Variants in PHKA1 observed in about 807,000 individuals in gnomAD.
The protein encoded by PHKA1 is phosphorylase kinase regulatory subunit alpha 1.
A neutral mutation model predicts 110.2 loss-of-function variants in PHKA1; 60 were observed. The ratio of observed to expected loss-of-function variants is 0.54; its 90% CI spans 0.44 to 0.68. The LOEUF (loss-of-function observed/expected upper bound fraction) is 0.68, where lower values mean the gene tolerates loss of function less well. Among genes scored for constraint, PHKA1 ranks in the 30% least tolerant of loss-of-function variants. The pLI is 0.00. For synonymous variants in PHKA1, 316 were observed against 333.6 expected (o/e 0.95, Z 0.58); for missense variants, 801 against 942.5 (o/e 0.85, Z 1.97).
At chrX:72,670,255 A>T (rs2147785527) in intron 6 of PHKA1, among the ~76,000 whole-genome samples, 1 of 111,063 alleles carries the variant, frequency 9.0e-6, no homozygotes, top group East Asian at 2.8e-4. Flanking sequence ...CTTTGAGTTC[A>T]TTGTAGATTC....
intron 14 of PHKA1, among the ~76,000 whole-genome samples, chrX:72,642,307 C>T (rs1056352876): frequency 5.4e-5 from 6 of 111,155 alleles, no homozygotes; most frequent in South Asian, 3.8e-4. Flanking sequence ...TAAGATATGC[C>T]GATTTAGAAT....
chrX:72,594,053 T>C (rs1467807591), intron 28 of PHKA1, among the ~76,000 whole-genome samples: 1 of 110,855 alleles, frequency 9.0e-6, no homozygotes, highest in Non-Finnish European at 1.9e-5. Context: ...TTCTAAATAA[T>C]AAATGCATTA....
At chrX:72,655,975 A>T in intron 10 of PHKA1, 145 bp downstream of exon 10, 1 of 670,459 alleles carries the variant, frequency 1.5e-6, no homozygotes, top group Non-Finnish European at 2.3e-6. Flanking sequence ...TTTTACTCTT[A>T]GTGCCCTCAA....
At chrX:72,710,685 T>C (rs782392993) in intron 2 of PHKA1, among the ~76,000 whole-genome samples, 1 of 111,597 alleles carries the variant, frequency 9.0e-6, no homozygotes, top group Admixed American at 9.4e-5. Context: ...TTTTGAAACA[T>C]TCCTAATTAC....
intron 16 of PHKA1, among the ~76,000 whole-genome samples, chrX:72,633,423 A>G (rs1298349517): frequency 8.9e-6 from 1 of 111,810 alleles, no homozygotes; most frequent in African/African-American, 3.3e-5. Context: ...GGTCCTTCCC[A>G]GACACCAAAC....
intron 16 of PHKA1, among the ~76,000 whole-genome samples, chrX:72,629,442 A>G (rs1206799067): frequency 1.3e-4 from 15 of 111,475 alleles, no homozygotes; most frequent in Non-Finnish European, 1.7e-4. Context: ...TTCTGTTGCT[A>G]TATCTCCTTT....
chrX:72,627,978 T>C (rs1165817912), intron 16 of PHKA1, among the ~76,000 whole-genome samples: 3 of 108,750 alleles, frequency 2.8e-5, no homozygotes, highest in Non-Finnish European at 3.8e-5. Flanking sequence ...CCACCACGCC[T>C]GGCTAATTTT....
At chrX:72,680,742 C>T (rs1276677034) in intron 5 of PHKA1, among the ~76,000 whole-genome samples, 3 of 95,862 alleles carry the variant, frequency 3.1e-5, no homozygotes, top group Non-Finnish European at 6.1e-5. Flanking sequence ...CCGCGACCGA[C>T]CGCAGCCGCC....
At chrX:72,698,623 T>C (rs1303610848) in intron 3 of PHKA1, among the ~76,000 whole-genome samples, 3 of 112,736 alleles carry the variant, frequency 2.7e-5, no homozygotes, top group African/African-American at 9.6e-5. Flanking sequence ...AAATAAGACA[T>C]TGATATGGGC....
chrX:72,663,888 A>G (rs1664812050), intron 8 of PHKA1, among the ~76,000 whole-genome samples: 2 of 110,186 alleles, frequency 1.8e-5, no homozygotes, highest in Non-Finnish European at 3.8e-5. Context: ...TCACTAGTAC[A>G]TACAGAAAGG....
intron 9 of PHKA1, 90 bp downstream of exon 9, chrX:72,657,498 C>T (rs2053509874): frequency 4.7e-6 from 3 of 635,510 alleles, no homozygotes; most frequent in Non-Finnish European, 5.3e-6. Context: ...TCTATAAGTA[C>T]CATCAGTGAG....
intron 14 of PHKA1, among the ~76,000 whole-genome samples, chrX:72,639,734 T>C (rs913777991): frequency 1.3e-4 from 14 of 111,520 alleles, no homozygotes; most frequent in African/African-American, 4.2e-4. Flanking sequence ...TTTTGTAAAA[T>C]TGATGGGCAA....
At chrX:72,597,189 T>G (rs782355709) in intron 28 of PHKA1, among the ~76,000 whole-genome samples, 1 of 112,343 alleles carries the variant, frequency 8.9e-6, no homozygotes, top group East Asian at 2.8e-4. Context: ...GGCCCTTGGC[T>G]GGCATTTAGA....
chrX:72,603,248 G>A lies in PHKA1; in HGVS notation c.2816-28C>T. On this transcript the variant is annotated intron_variant, in intron 25 of 31. Transcript: ENST00000373542. ...AGTCAGCAGAAATGTTAGAACAGAA[G>A]GACTTCTAATTTGCCTGCCATGCCC... is the stretch of plus-strand genomic sequence containing the variant. 3 of 989,623 alleles carry A rather than the reference G, an allele frequency of 3.0e-6. No homozygotes were observed. In the South Asian group the frequency reaches 5.9e-5, roughly 19 times the overall value. 81.6% of individuals were successfully genotyped at this position (989,623 alleles called of 1,213,427 possible).
intron 21 of PHKA1, among the ~76,000 whole-genome samples, chrX:72,612,031 T>G (rs782015166): frequency 1.8e-5 from 2 of 112,063 alleles, no homozygotes; most frequent in South Asian, 7.4e-4. Context: ...ACATGAATGT[T>G]TATACCAGCA....
intron 31 of PHKA1, among the ~76,000 whole-genome samples, chrX:72,581,602 G>A (rs2052338803): frequency 1.8e-5 from 2 of 111,373 alleles, no homozygotes; most frequent in African/African-American, 3.3e-5. Flanking sequence ...TTTCTAAGGC[G>A]ACTTAATTCA....
intron 10 of PHKA1, among the ~76,000 whole-genome samples, chrX:72,655,862 C>T (rs1223556759): frequency 5.3e-5 from 6 of 112,176 alleles, no homozygotes; most frequent in East Asian, 2.8e-4. Flanking sequence ...CCTCGTGATC[C>T]GCCCGCCTCG....
chrX:72,608,471 C>T (rs2052761975), intron 23 of PHKA1, among the ~76,000 whole-genome samples: 1 of 111,609 alleles, frequency 9.0e-6, no homozygotes, highest in Admixed American at 9.5e-5. Context: ...CCATTGGCTT[C>T]GAGTCCAGCA....
chrX:72,670,079 G>A (rs1446223193), intron 6 of PHKA1, among the ~76,000 whole-genome samples: 2 of 111,674 alleles, frequency 1.8e-5, no homozygotes, highest in South Asian at 3.8e-4. Context: ...CGTTCTAACT[G>A]GCGTGAGATG....
Sources: allele counts gnomAD v4.1 joint callset (sites outside exome capture counted in the v4.1 genomes callset), GRCh38; gene constraint gnomAD v4.1.1; transcripts MANE v1.5; gene names NCBI Gene and HGNC (gene_info 2026-07-23, HGNC 2026-07-21).